TMEM38B: variants seen among roughly 807,000 people sequenced by gnomAD.
The protein encoded by TMEM38B is trimeric intracellular cation channel type B.
In TMEM38B, 24 loss-of-function variants were observed where a neutral mutation model predicts 28.7. The ratio of observed to expected loss-of-function variants is 0.84; its 90% CI spans 0.61 to 1.18. The LOEUF is 1.18. Ranked by LOEUF, TMEM38B falls within the 50% of genes most tolerant of loss-of-function variation. The probability of loss-of-function intolerance (pLI) is 0.00; values close to 1 mark genes in which losing one functional copy is unlikely to be tolerated. For missense variants in TMEM38B, 380 were observed against 350.9 expected (o/e 1.08, Z -0.66); for synonymous variants, 131 against 127.7 (o/e 1.03, Z -0.17).
chr9:105,729,331 A>T (rs1202241490), intron 4 of TMEM38B, among the ~76,000 whole-genome samples: 9 of 152,212 alleles, frequency 5.9e-5, no homozygotes, highest in Non-Finnish European at 1.3e-4. Context: ...CATTTATTAA[A>T]TAGGGAATCC....
intron 5 of TMEM38B, among the ~76,000 whole-genome samples, chr9:105,772,979 C>T (rs78618000): frequency 0.011 from 1,637 of 152,158 alleles, 27 homozygotes; most frequent in African/African-American, 0.038. Context: ...ATTCTTGATA[C>T]CATTTTCCCC....
intron 5 of TMEM38B, chr9:105,759,819 A>G (rs1427975712): frequency 6.2e-7 from 1 of 1,605,798 alleles, no homozygotes; most frequent in East Asian, 2.2e-5. Context: ...GTAATGGGAA[A>G]TGCAAGTCAA....
At chr9:105,696,925 G>A (rs1835307682) in intron 1 of TMEM38B, among the ~76,000 whole-genome samples, 1 of 152,136 alleles carries the variant, frequency 6.6e-6, no homozygotes, top group Non-Finnish European at 1.5e-5. Context: ...TCAACATGGC[G>A]GATGTTGGAG....
intron 2 of TMEM38B, among the ~76,000 whole-genome samples, chr9:105,713,515 C>T (rs1835983267): frequency 6.6e-6 from 1 of 152,204 alleles, no homozygotes; most frequent in African/African-American, 2.4e-5. Flanking sequence ...CACCTTGGCC[C>T]CCTCTGGACT....
At position 105,721,635 on chromosome 9, in the gene TMEM38B, C is replaced by G; in HGVS notation, c.368C>G (p.Thr123Ser). ...TCGGGAATGAAGGAAGTGACCAGAA[C>G]TTGGAAAATAGTAGGTGGAGTCACA... The part of the protein sequence containing the change: ...LASGMKEVTR[T>S]WKIVGGVTHA... Residue 123 changes from threonine to serine, a missense_variant, in exon 3 of 6, where the codon ACT (threonine) becomes AGT (serine). By Grantham distance (58) the Thr-to-Ser change is moderately conservative. Coordinates refer to ENST00000374692, the MANE Select transcript of TMEM38B (RefSeq NM_018112.3). 6.2e-7 allele frequency: 1 copy of G among 1,613,656 alleles called. No individual in the cohort carries two copies. The highest frequency in any genetic ancestry group is 8.5e-7 in the Non-Finnish European group (1 of 1,179,700).
chr9:105,710,510 C>G, intron 2 of TMEM38B: 2 of 1,270,372 alleles, frequency 1.6e-6, no homozygotes, highest in Non-Finnish European at 2.3e-6. Context: ...TGGTGTCTTC[C>G]GATCCCCCTG....
intron 4 of TMEM38B, among the ~76,000 whole-genome samples, chr9:105,729,436 C>T (rs1836647647): frequency 6.6e-6 from 1 of 152,176 alleles, no homozygotes; most frequent in South Asian, 2.1e-4. Context: ...TTCCATTGGT[C>T]TACATCTCTG....
chr9:105,769,779 ATTG>A (rs1268568524), intron 5 of TMEM38B, among the ~76,000 whole-genome samples: 5 of 152,070 alleles, frequency 3.3e-5, no homozygotes, highest in Non-Finnish European at 5.9e-5. Context: ...AATTGTGTTT[ATTG>A]TTTATTGCAA....
intron 5 of TMEM38B, among the ~76,000 whole-genome samples, chr9:105,763,836 A>C (rs1392757698): frequency 2.6e-5 from 4 of 151,318 alleles, no homozygotes; most frequent in Admixed American, 2.0e-4. Context: ...TCCTCAGTAA[A>C]ATACTGGCAA....
At position 105,747,046 on chromosome 9, in the gene TMEM38B, T is replaced by A. The variant is rs530205916; in HGVS notation, c.543-1027T>A. On this transcript the variant is annotated intron_variant, in intron 4 of 5. Coordinates refer to ENST00000374692, the MANE Select transcript of TMEM38B (RefSeq NM_018112.3). ...ATTGGTCTAAAATTCTCTTTTTTGGTTGTGTCTCTGCCAGGCTTTGGTATC... is the reference window on the plus strand; with the variant it reads ...ATTGGTCTAAAATTCTCTTTTTTGGATGTGTCTCTGCCAGGCTTTGGTATC... Among the ~76,000 whole-genome samples, 12 of 152,274 alleles carry A rather than the reference T, an allele frequency of 7.9e-5. No individual in the cohort carries two copies. The South Asian group carries it at 2.3e-3, about 29-fold the overall frequency.
At chr9:105,725,516 A>T (rs1836477504) in intron 4 of TMEM38B, among the ~76,000 whole-genome samples, 2 of 151,898 alleles carry the variant, frequency 1.3e-5, no homozygotes, top group African/African-American at 4.8e-5. Context: ...GAAATGTGTC[A>T]TTTCATCATT....
chr9:105,718,128 C>T (rs984541421), intron 2 of TMEM38B, among the ~76,000 whole-genome samples: 1 of 151,990 alleles, frequency 6.6e-6, no homozygotes, highest in Admixed American at 6.6e-5. Context: ...CCTTTGTCTT[C>T]AGAGATCCTT....
In TMEM38B at chr9:105,774,002, C is replaced by T. The variant is rs751871410; in HGVS notation, c.798C>T (p.Gly266=). Residue 266 remains glycine (G), a synonymous_variant, in exon 6 of 6, where the codon GGC becomes GGT. Transcript: ENST00000374692. ...KKSEAKSPSN[G]VGSLASKPVD... ...GTGAAGCAAAGTCACCTTCCAATGG[C>T]GTTGGGTCATTGGCCTCAAAGCCGG... 11 of 1,613,602 alleles carry T rather than the reference C, an allele frequency of 6.8e-6. No individual in the cohort carries two copies. The highest frequency in any genetic ancestry group is 2.2e-5 in the South Asian group (2 of 91,080).
At chr9:105,758,329 C>G in intron 5 of TMEM38B, 3 of 828,856 alleles carry the variant, frequency 3.6e-6, no homozygotes, top group Non-Finnish European at 4.2e-6. Context: ...AGCTAGAATT[C>G]AGATCTTCCT....
chr9:105,722,127 A>G (rs1402966037), intron 3 of TMEM38B, among the ~76,000 whole-genome samples: 1 of 152,160 alleles, frequency 6.6e-6, no homozygotes, highest in Admixed American at 6.5e-5. Context: ...ATGATTGACT[A>G]TGGGTTCATG....
intron 2 of TMEM38B, among the ~76,000 whole-genome samples, chr9:105,717,957 C>T (rs986079448): frequency 3.3e-5 from 5 of 152,086 alleles, no homozygotes; most frequent in African/African-American, 4.8e-5. Flanking sequence ...TATTCAATTA[C>T]GTGTTAAAAA....
At chr9:105,728,075 C>T (rs1166208577) in intron 4 of TMEM38B, among the ~76,000 whole-genome samples, 1 of 152,006 alleles carries the variant, frequency 6.6e-6, no homozygotes, top group Non-Finnish European at 1.5e-5. Flanking sequence ...ATTACCAAGC[C>T]TCATGTATTT....
At chr9:105,764,134 G>T in intron 5 of TMEM38B, among the ~76,000 whole-genome samples, 1 of 95,746 alleles carries the variant, frequency 1.0e-5, no homozygotes, top group South Asian at 2.9e-4. Context: ...CATACTGAAT[G>T]GGCAAAAACT....
At chr9:105,758,334 C>A in intron 5 of TMEM38B, 1 of 856,458 alleles carries the variant, frequency 1.2e-6, no homozygotes, top group Non-Finnish European at 2.0e-6. Context: ...GAATTCAGAT[C>A]TTCCTGGTAT....
Sources: gnomAD v4.1 joint callset for allele counts (sites outside exome capture counted in the v4.1 genomes callset) on GRCh38, gnomAD v4.1.1 for gene constraint, MANE v1.5 for transcripts, NCBI Gene and HGNC (gene_info 2026-07-23, HGNC 2026-07-21) for gene names.